The following AUTS2 variants were observed in gnomAD, a reference collection of about 807,000 sequenced individuals.
AUTS2 encodes activator of transcription and developmental regulator AUTS2.
A neutral mutation model predicts 112.4 loss-of-function variants in AUTS2; 17 were observed. The ratio of observed to expected loss-of-function variants is 0.15; its 90% CI spans 0.10 to 0.23. The LOEUF is 0.23. Among genes scored for constraint, AUTS2 ranks in the 10% least tolerant of loss-of-function variants. The pLI is 1.00. For synonymous variants in AUTS2, 751 were observed against 702.7 expected, an observed-to-expected ratio of 1.07 and a Z score of -1.09; for missense variants, 1,510 against 1,701.6, an observed-to-expected ratio of 0.89 and a Z score of 1.98.
At chr7:70,233,157 C>A (rs1812145897) in intron 4 of AUTS2, among the ~76,000 whole-genome samples, 1 of 152,166 alleles carries the variant, frequency 6.6e-6, no homozygotes, top group East Asian at 1.9e-4. Flanking sequence ...ATAAATAAAG[C>A]CATATGACCT....
intron 2 of AUTS2, among the ~76,000 whole-genome samples, chr7:70,013,491 C>T (rs774538934): frequency 1.3e-5 from 2 of 152,180 alleles, no homozygotes; most frequent in Admixed American, 6.5e-5. Flanking sequence ...CAGTTTATCT[C>T]TATCCCATTT....
chr7:69,728,781 A>C (rs949645878), intron 1 of AUTS2, among the ~76,000 whole-genome samples: 1 of 151,434 alleles, frequency 6.6e-6, no homozygotes, highest in Non-Finnish European at 1.5e-5. Context: ...CACGTTCCCT[A>C]AACAGCTGTA....
intron 1 of AUTS2, among the ~76,000 whole-genome samples, chr7:69,739,995 C>T (rs998581543): frequency 4.6e-5 from 7 of 152,172 alleles, no homozygotes; most frequent in Non-Finnish European, 7.3e-5. Context: ...TTTGTGGCTA[C>T]GAGGACTTAC....
At chr7:70,460,092 G>C (rs948094185) in intron 5 of AUTS2, among the ~76,000 whole-genome samples, 1 of 152,144 alleles carries the variant, frequency 6.6e-6, no homozygotes, top group African/African-American at 2.4e-5. Flanking sequence ...ATAGAGGAGG[G>C]AACTCCCCAC....
intron 2 of AUTS2, among the ~76,000 whole-genome samples, chr7:69,944,415 T>C (rs1796734272): frequency 6.6e-6 from 1 of 152,214 alleles, no homozygotes; most frequent in Non-Finnish European, 1.5e-5. Flanking sequence ...TGGCTGCCTG[T>C]GTGATTTGAT....
chr7:70,680,698 C>A (rs35024800), intron 5 of AUTS2, among the ~76,000 whole-genome samples: 33,178 of 152,082 alleles, frequency 0.22, 4,440 homozygotes, highest in Non-Finnish European at 0.29. Flanking sequence ...AACGTACTGC[C>A]TAGTAGAATG....
intron 4 of AUTS2, among the ~76,000 whole-genome samples, chr7:70,338,450 T>G (rs1562890650): frequency 1.3e-5 from 2 of 152,202 alleles, no homozygotes; most frequent in Non-Finnish European, 2.9e-5. Flanking sequence ...ACAAGAAGTT[T>G]TCTCTTTAAA....
chr7:70,621,838 CTT>C (rs67123941), intron 5 of AUTS2, among the ~76,000 whole-genome samples: 3 of 66,788 alleles, frequency 4.5e-5, no homozygotes, highest in African/African-American at 6.2e-5. Flanking sequence ...TAGTCATTCT[CTT>C]TTTTTTTTTT....
chr7:69,710,065 C>G (rs1028793537), intron 1 of AUTS2, among the ~76,000 whole-genome samples: 2 of 152,104 alleles, frequency 1.3e-5, no homozygotes, highest in African/African-American at 4.8e-5. Context: ...ATGGCCAGCC[C>G]TCTAAATTGT....
chr7:69,717,462 G>A (rs1417296979), intron 1 of AUTS2, among the ~76,000 whole-genome samples: 2 of 152,152 alleles, frequency 1.3e-5, no homozygotes, highest in Non-Finnish European at 2.9e-5. Context: ...CATTTCAGCC[G>A]TTCTAATCTG....
intron 5 of AUTS2, among the ~76,000 whole-genome samples, chr7:70,638,704 C>T (rs972665361): frequency 6.6e-6 from 1 of 152,094 alleles, no homozygotes; most frequent in Non-Finnish European, 1.5e-5. Context: ...CTTTTTTTCC[C>T]TTTAGTTTAC....
At chr7:69,882,910 C>T (rs1794117676) in intron 1 of AUTS2, among the ~76,000 whole-genome samples, 1 of 152,102 alleles carries the variant, frequency 6.6e-6, no homozygotes, top group Admixed American at 6.5e-5. Context: ...TAATGACTTA[C>T]CAGTCATTAA....
At chr7:69,648,070 A>T (rs1795113326) in intron 1 of AUTS2, among the ~76,000 whole-genome samples, 1 of 152,134 alleles carries the variant, frequency 6.6e-6, no homozygotes, top group Non-Finnish European at 1.5e-5. Context: ...TGACATACTG[A>T]GGGTTAGGGC....
rs1323089481 is a variant in AUTS2, at chr7:70,615,603, T to TGTTGGA, written c.691-82965_691-82964insTTGGAG. On this transcript the variant is annotated intron_variant, in intron 5 of 18. Coordinates refer to ENST00000342771, the MANE Select transcript of AUTS2 (RefSeq NM_015570.4). ...TTGTTGTTGTTGTTGTTGTTGTTGT[T>TGTTGGA]GGAAAAGCATTTATTCTCTTTAGGA... 3.4e-3 allele frequency among the ~76,000 whole-genome samples: 509 copies of TGTTGGA among 148,700 alleles called. 7 individuals are homozygous for TGTTGGA. The highest frequency in any genetic ancestry group is 0.032 in the East Asian group (163 of 5,132).
At chr7:70,647,381 T>C (rs1806229910) in intron 5 of AUTS2, among the ~76,000 whole-genome samples, 1 of 152,226 alleles carries the variant, frequency 6.6e-6, no homozygotes, top group South Asian at 2.1e-4. Flanking sequence ...TGAATGTGCC[T>C]GGACAAGATG....
chr7:70,713,220 G>A lies in AUTS2; in HGVS notation c.742+14600G>A, dbSNP rs561309862. On this transcript the variant is annotated intron_variant, in intron 6 of 18. Transcript: ENST00000342771. ...CATCACCAATGCCGGCCTGCCATCT[G>A]TGTGAAGGGCTATCACAGCACACAA... 1.1e-4 allele frequency among the ~76,000 whole-genome samples: 17 copies of A among 152,318 alleles called. No individual in the cohort carries two copies. The South Asian group carries it at 2.7e-3, about 24-fold the overall frequency.
At chr7:70,477,421 A>G (rs537978069) in intron 5 of AUTS2, among the ~76,000 whole-genome samples, 4 of 152,306 alleles carry the variant, frequency 2.6e-5, no homozygotes, top group Admixed American at 2.0e-4. Context: ...CGTGGAAGTC[A>G]CTTTTCCAGA....
chr7:70,256,975 TATAATGGG>T (rs1054363288), intron 4 of AUTS2, among the ~76,000 whole-genome samples: 1 of 152,206 alleles, frequency 6.6e-6, no homozygotes, highest in African/African-American at 2.4e-5. Context: ...GTGCCCCAGC[TATAATGGG>T]TAGTCCTTTC....
intron 5 of AUTS2, among the ~76,000 whole-genome samples, chr7:70,583,576 A>G (rs777362374): frequency 5.9e-5 from 9 of 152,182 alleles, no homozygotes; most frequent in Non-Finnish European, 1.3e-4. Context: ...CCTTCACAGA[A>G]ACTTCCCAGG....
Sources: gnomAD v4.1 joint callset for allele counts (sites outside exome capture counted in the v4.1 genomes callset) on GRCh38, gnomAD v4.1.1 for gene constraint, MANE v1.5 for transcripts, NCBI Gene and HGNC (gene_info 2026-07-23, HGNC 2026-07-21) for gene names.